Variants in ADGRB3 observed in about 807,000 individuals in gnomAD.
ADGRB3 encodes the protein brain-specific angiogenesis inhibitor 3.
Under a neutral mutation model 193.4 loss-of-function variants are expected in ADGRB3, and 37 were observed. The observed-to-expected ratio is 0.19, with a 90% confidence interval of 0.15 to 0.25. ADGRB3 has a LOEUF of 0.25. ADGRB3 is among the 10% of genes least tolerant of loss of function. The pLI, the probability that ADGRB3 is intolerant of heterozygous loss-of-function variation, is 1.00. For synonymous variants in ADGRB3, 690 were observed against 644.2 expected (o/e 1.07, Z -1.08); for missense variants, 1,637 against 1,852.9 (o/e 0.88, Z 2.14).
At chr6:69,188,785 AT>A (rs1226365005) in intron 17 of ADGRB3, among the ~76,000 whole-genome samples, 1 of 152,138 alleles carries the variant, frequency 6.6e-6, no homozygotes, top group Non-Finnish European at 1.5e-5. Flanking sequence ...TAACAGACAC[AT>A]TTGTTTGGAA....
intron 3 of ADGRB3, among the ~76,000 whole-genome samples, chr6:68,913,030 G>C (rs1254684802): frequency 6.6e-6 from 1 of 152,180 alleles, no homozygotes; most frequent in East Asian, 1.9e-4. Flanking sequence ...CCATTGCCCA[G>C]GCTTGCTTAG....
chr6:69,200,974 A>C lies in ADGRB3; in HGVS notation c.2481-32316A>C, dbSNP rs117034601. Among the ~76,000 whole-genome samples, 719 of 152,248 alleles carry C rather than the reference A, an allele frequency of 4.7e-3. 2 individuals are homozygous for C. The highest frequency in any genetic ancestry group is 7.7e-3 in the Non-Finnish European group (522 of 68,000). ...AGAAGTGCAAAAAATAAATTTATTT[A>C]ATAAGCAACATAAGATGACAGAAAT... On this transcript the variant is annotated intron_variant, in intron 17 of 31. Transcript: ENST00000370598.
At chr6:69,212,473 G>T (rs1262306046) in intron 17 of ADGRB3, among the ~76,000 whole-genome samples, 1 of 151,846 alleles carries the variant, frequency 6.6e-6, no homozygotes, top group Non-Finnish European at 1.5e-5. Context: ...AAGATTTTAA[G>T]GTTAAAGATG....
At chr6:69,049,494 G>T in intron 15 of ADGRB3, 148 bp downstream of exon 15, 1 of 577,564 alleles carries the variant, frequency 1.7e-6, no homozygotes, top group Admixed American at 3.7e-5. Flanking sequence ...TAATGAACAG[G>T]CTATTAGCAA....
At chr6:68,897,536 GAGGGAAGGA>G (rs1209254780) in intron 3 of ADGRB3, among the ~76,000 whole-genome samples, 1 of 102,132 alleles carries the variant, frequency 9.8e-6, no homozygotes, top group Admixed American at 9.5e-5. Context: ...AAAGAGGAAA[GAGGGAAGGA>G]AGGAAGGAAG....
At chr6:69,058,608 T>C (rs1277199761) in intron 15 of ADGRB3, among the ~76,000 whole-genome samples, 1 of 152,064 alleles carries the variant, frequency 6.6e-6, no homozygotes. Flanking sequence ...TAGTACCTTT[T>C]TGCTGCCTCA....
rs908889927 is a variant in ADGRB3, at chr6:68,708,106, A to C, written c.757+68674A>C. On this transcript the variant is annotated intron_variant, in intron 3 of 31. Transcript: ENST00000370598. ...CAATTTGTACACTTAGGGTCCATGA[A>C]ATTTTCAGGTAACAGACTTTTTGTA... Among the ~76,000 whole-genome samples, 8 of 152,286 alleles carry C rather than the reference A, an allele frequency of 5.3e-5. No individual in the cohort carries two copies. The East Asian group carries it at 1.4e-3, about 26-fold the overall frequency.
At chr6:68,854,951 C>T (rs1764937338) in intron 3 of ADGRB3, among the ~76,000 whole-genome samples, 1 of 152,038 alleles carries the variant, frequency 6.6e-6, no homozygotes, top group South Asian at 2.1e-4. Flanking sequence ...TAATCCTGCC[C>T]CAAAAACCCA....
At chr6:69,347,626 T>C (rs181965732) in intron 26 of ADGRB3, among the ~76,000 whole-genome samples, 1 of 151,918 alleles carries the variant, frequency 6.6e-6, no homozygotes, top group Non-Finnish European at 1.5e-5. Flanking sequence ...AAAAAAAATT[T>C]AAAAAACATT....
At chr6:68,985,057 AG>A (rs1769030781) in intron 10 of ADGRB3, among the ~76,000 whole-genome samples, 1 of 151,698 alleles carries the variant, frequency 6.6e-6, no homozygotes. Flanking sequence ...TAGGATTAGC[AG>A]GCTGCATTGT....
At chr6:68,774,150 T>C (rs1416751372) in intron 3 of ADGRB3, among the ~76,000 whole-genome samples, 17 of 51,724 alleles carry the variant, frequency 3.3e-4, no homozygotes, top group Middle Eastern at 0.016. Flanking sequence ...GTATTTAAAA[T>C]GTTATTTTTT....
At chr6:69,338,664 T>C (rs1768903488) in intron 24 of ADGRB3, among the ~76,000 whole-genome samples, 1 of 152,190 alleles carries the variant, frequency 6.6e-6, no homozygotes, top group South Asian at 2.1e-4. Flanking sequence ...CTTTGATCAA[T>C]AGACACAAGG....
rs115036392 is a variant in ADGRB3 at position 69,227,559 on chromosome 6, A to G, written c.2481-5731A>G. Among the ~76,000 whole-genome samples, 709 of 152,362 alleles carry G rather than the reference A, an allele frequency of 4.7e-3. 5 individuals are homozygous for G. The highest frequency in any genetic ancestry group is 0.016 in the African/African-American group (676 of 41,590). ...TTGAAATAGAAGGGTAGGACTGACA[A>G]CATTTTCTGGGATAATTTGTAGAAC... On this transcript the variant is annotated intron_variant, in intron 17 of 31. Transcript: ENST00000370598.
chr6:69,040,700 A>C (rs917024092), intron 13 of ADGRB3, among the ~76,000 whole-genome samples: 6 of 145,702 alleles, frequency 4.1e-5, no homozygotes, highest in East Asian at 2.0e-4. Flanking sequence ...AAAAAAAAAA[A>C]AAAAAAAAAC....
intron 3 of ADGRB3, among the ~76,000 whole-genome samples, chr6:68,640,815 A>T (rs1768067291): frequency 6.6e-6 from 1 of 152,214 alleles, no homozygotes; most frequent in Admixed American, 6.5e-5. Context: ...ATGGAAGAGC[A>T]ATGGTAGGAG....
At chr6:69,007,209 C>T (rs557755035) in intron 11 of ADGRB3, among the ~76,000 whole-genome samples, 4 of 152,246 alleles carry the variant, frequency 2.6e-5, no homozygotes, top group East Asian at 1.9e-4. Context: ...GTCGTCATGT[C>T]ATTTCTCTAA....
chr6:69,187,857 G>A (rs1765102771), intron 17 of ADGRB3, among the ~76,000 whole-genome samples: 2 of 152,112 alleles, frequency 1.3e-5, no homozygotes, highest in Admixed American at 6.6e-5. Context: ...GGCATTGTCT[G>A]GTCACCAAGT....
intron 3 of ADGRB3, among the ~76,000 whole-genome samples, chr6:68,800,314 A>C (rs1767287512): frequency 6.6e-6 from 1 of 152,160 alleles, no homozygotes; most frequent in African/African-American, 2.4e-5. Flanking sequence ...AGAACAAATC[A>C]AAAAGTTGTT....
At chr6:68,872,775 A>T (rs1367179588) in intron 3 of ADGRB3, among the ~76,000 whole-genome samples, 1 of 152,232 alleles carries the variant, frequency 6.6e-6, no homozygotes, top group Non-Finnish European at 1.5e-5. Flanking sequence ...CCTAAATAAG[A>T]CTTCAAATAA....
Sources: gnomAD v4.1 joint callset for allele counts (sites outside exome capture counted in the v4.1 genomes callset) on GRCh38, gnomAD v4.1.1 for gene constraint, MANE v1.5 for transcripts, NCBI Gene and HGNC (gene_info 2026-07-23, HGNC 2026-07-21) for gene names.